The following CACNB2 variants were observed in gnomAD, a reference collection of about 807,000 sequenced individuals.
The protein encoded by CACNB2 is calcium voltage-gated channel auxiliary subunit beta 2, also known as voltage-dependent L-type calcium channel subunit beta-2.
Under a neutral mutation model 73.3 loss-of-function variants are expected in CACNB2, and 42 were observed. That is an observed-to-expected ratio of 0.57 (90% confidence interval 0.45 to 0.74). The LOEUF (loss-of-function observed/expected upper bound fraction) is 0.74. Ranked by LOEUF, CACNB2 falls within the 30% of genes least tolerant of loss-of-function variation. The pLI, the probability that CACNB2 is intolerant of heterozygous loss-of-function variation, is 0.00. For missense variants in CACNB2, 940 were observed against 853.0 expected, an observed-to-expected ratio of 1.10 and a Z score of -1.27; for synonymous variants, 348 against 310.3, an observed-to-expected ratio of 1.12 and a Z score of -1.28.
intron 2 of CACNB2, among the ~76,000 whole-genome samples, chr10:18,385,375 TC>T (rs2043186006): frequency 5.0e-5 from 3 of 59,612 alleles, no homozygotes; most frequent in South Asian, 1.3e-3. Flanking sequence ...CCCCCCCCCC[TC>T]GCCCCCCACA....
chr10:18,528,301 C>G (rs1040749811), intron 10 of CACNB2, among the ~76,000 whole-genome samples: 4 of 151,628 alleles, frequency 2.6e-5, no homozygotes, highest in African/African-American at 9.7e-5. Flanking sequence ...ATTGTGTTTA[C>G]AGAGATGGTA....
intron 2 of CACNB2, among the ~76,000 whole-genome samples, chr10:18,277,548 G>A (rs1231767330): frequency 6.6e-6 from 1 of 152,188 alleles, no homozygotes; most frequent in Non-Finnish European, 1.5e-5. Flanking sequence ...GTTAGCATAA[G>A]CTTAAATGAT....
At chr10:18,284,192 G>C (rs1403846690) in intron 2 of CACNB2, among the ~76,000 whole-genome samples, 1 of 152,194 alleles carries the variant, frequency 6.6e-6, no homozygotes, top group Non-Finnish European at 1.5e-5. Flanking sequence ...CACGTCTTAC[G>C]TGGATAGTTA....
intron 2 of CACNB2, among the ~76,000 whole-genome samples, chr10:18,183,823 T>C (rs1171642559): frequency 1.3e-5 from 2 of 152,126 alleles, no homozygotes; most frequent in Non-Finnish European, 2.9e-5. Context: ...AGTGGTACAA[T>C]GGTGTAGTGG....
chr10:18,453,336 C>T (rs2047105960), intron 3 of CACNB2, among the ~76,000 whole-genome samples: 1 of 152,222 alleles, frequency 6.6e-6, no homozygotes, highest in Non-Finnish European at 1.5e-5. Context: ...CGTAAACTAG[C>T]TCGTGTCAGC....
intron 3 of CACNB2, among the ~76,000 whole-genome samples, chr10:18,483,147 C>T (rs2048874321): frequency 6.6e-6 from 1 of 152,038 alleles, no homozygotes; most frequent in African/African-American, 2.4e-5. Context: ...GAACTCACCA[C>T]CCACAACTCT....
chr10:18,159,771 T>A (rs185889820), intron 2 of CACNB2, among the ~76,000 whole-genome samples: 2 of 152,254 alleles, frequency 1.3e-5, no homozygotes, highest in South Asian at 2.1e-4. Context: ...TAGACTGATA[T>A]GTTTAAGGTT....
At chr10:18,452,775 G>C (rs914803785) in intron 3 of CACNB2, among the ~76,000 whole-genome samples, 1 of 152,192 alleles carries the variant, frequency 6.6e-6, no homozygotes, top group Non-Finnish European at 1.5e-5. Context: ...CACCAAAAAA[G>C]GTTCTCTGGC....
In CACNB2 at chr10:18,401,922, A is replaced by G. The variant is rs2132535966; in HGVS notation, c.214-2A>G. On this transcript the variant is annotated splice_acceptor_variant, in intron 2 of 13. Coordinates refer to ENST00000324631, the MANE Select transcript of CACNB2 (RefSeq NM_201596.3). LOFTEE classifies it high-confidence loss of function. ...CTTTAAAATGTACATTTTCCTCTCCAGGGTTCGGCAGACTCCTACACTAGC... is the reference window on the plus strand; with the variant it reads ...CTTTAAAATGTACATTTTCCTCTCCGGGGTTCGGCAGACTCCTACACTAGC... 1 of 1,613,958 alleles carries G rather than the reference A, an allele frequency of 6.2e-7. No individual in the cohort carries two copies. The highest frequency in any genetic ancestry group is 8.5e-7 in the Non-Finnish European group (1 of 1,179,848).
intron 3 of CACNB2, among the ~76,000 whole-genome samples, chr10:18,409,193 A>G (rs1589267116): frequency 6.6e-6 from 1 of 151,994 alleles, no homozygotes; most frequent in Admixed American, 6.6e-5. Flanking sequence ...CAGCTATCCC[A>G]GAGGCTGAAG....
intron 2 of CACNB2, among the ~76,000 whole-genome samples, chr10:18,216,797 C>T (rs563970174): frequency 2.6e-5 from 4 of 152,222 alleles, no homozygotes; most frequent in Non-Finnish European, 5.9e-5. Flanking sequence ...AAACAGAGGT[C>T]TCATGAAAAA....
intron 2 of CACNB2, among the ~76,000 whole-genome samples, chr10:18,286,352 T>TA (rs1396677925): frequency 2.6e-5 from 4 of 151,228 alleles, no homozygotes; most frequent in South Asian, 2.1e-4. Flanking sequence ...CCGTCTCTAC[T>TA]AAAAAAATAC....
intron 2 of CACNB2, among the ~76,000 whole-genome samples, chr10:18,349,192 G>A (rs2041601746): frequency 6.6e-6 from 1 of 152,224 alleles, no homozygotes; most frequent in African/African-American, 2.4e-5. Flanking sequence ...ACAGGACATT[G>A]CAGGAGGTGT....
At chr10:18,348,502 T>C (rs948684023) in intron 2 of CACNB2, among the ~76,000 whole-genome samples, 4 of 151,980 alleles carry the variant, frequency 2.6e-5, no homozygotes, top group Admixed American at 2.6e-4. Context: ...GACAGATAGA[T>C]GGATGGATAG....
chr10:18,182,991 G>A (rs1268309345), intron 2 of CACNB2, among the ~76,000 whole-genome samples: 1 of 151,620 alleles, frequency 6.6e-6, no homozygotes, highest in Non-Finnish European at 1.5e-5. Flanking sequence ...AAATTGAATT[G>A]TAACATCTTT....
chr10:18,537,797 G>T (rs1014535891), intron 12 of CACNB2, among the ~76,000 whole-genome samples: 4 of 151,910 alleles, frequency 2.6e-5, no homozygotes, highest in African/African-American at 9.7e-5. Context: ...AAAGAAAAAA[G>T]ATATCACAAT....
intron 9 of CACNB2, among the ~76,000 whole-genome samples, chr10:18,527,062 C>A (rs987899960): frequency 6.6e-6 from 1 of 152,150 alleles, no homozygotes; most frequent in African/African-American, 2.4e-5. Context: ...CACTTGTAAG[C>A]AACAAGTAAG....
chr10:18,232,895 C>T (rs575744503), intron 2 of CACNB2, among the ~76,000 whole-genome samples: 4 of 152,192 alleles, frequency 2.6e-5, no homozygotes, highest in Admixed American at 1.3e-4. Flanking sequence ...AGACCAGCCT[C>T]AGCAACATGG....
rs906445455 is a variant in CACNB2 at position 18,514,922 on chromosome 10, T to TAAAAA, written c.804+559_804+563dup. ...TGATATCCAGATACATAGCTTGTACTAAAAAAAAAAGTATTCAAGTTTTAA... is the reference window on the plus strand; with the variant it reads ...TGATATCCAGATACATAGCTTGTACTAAAAAAAAAAAAAAAGTATTCAAGTTTTAA... On this transcript the variant is annotated intron_variant, in intron 7 of 13. Transcript: ENST00000324631. 5.9e-6 allele frequency: 6 copies of TAAAAA among 1,017,944 alleles called. No homozygotes were observed. The South Asian group carries it at 9.0e-5, about 15-fold the overall frequency. The allele number at this position is 1,017,944 out of a possible 1,614,324, so 63.1% of individuals were successfully genotyped here. A position where few individuals can be genotyped will look rare whatever the true frequency, so the allele number is the denominator to read the frequency against.
Sources: allele counts gnomAD v4.1 joint callset (sites outside exome capture counted in the v4.1 genomes callset), GRCh38; gene constraint gnomAD v4.1.1; transcripts MANE v1.5; gene names NCBI Gene and HGNC (gene_info 2026-07-23, HGNC 2026-07-21).